TAOK1: variants seen among roughly 807,000 people sequenced by gnomAD.
TAOK1 encodes the protein serine/threonine-protein kinase TAO1.
Under a neutral mutation model 138.3 loss-of-function variants are expected in TAOK1, and 21 were observed. The ratio of observed to expected loss-of-function variants is 0.15; its 90% CI spans 0.11 to 0.22. The LOEUF is 0.22. TAOK1 is among the 10% of genes least tolerant of loss of function. TAOK1 has a pLI of 1.00. For missense variants in TAOK1, 651 were observed against 1,227.7 expected (o/e 0.53, Z 7.02); for synonymous variants, 361 against 398.4 (o/e 0.91, Z 1.12).
chr17:29,500,845 A>T (rs2031510654), intron 12 of TAOK1, among the ~76,000 whole-genome samples: 3 of 152,326 alleles, frequency 2.0e-5, no homozygotes, highest in South Asian at 4.1e-4. Flanking sequence ...TCTTGAAAAC[A>T]TGTTAAGTGA....
Position 29,498,461 on chromosome 17 carries a change from A to G in TAOK1, c.1143A>G (p.Leu381=), listed in dbSNP as rs368442296. ...ATGTCTCAGATGACAAGAGTGAGCT[A>G]GACATGATGGAGGGAGACCACACAG... ...LPDVSDDKSE[L]DMMEGDHTVM... is the part of the protein sequence containing the mutation. The change falls in exon 12 of 20, where the codon CTA becomes CTG. Residue 381 remains leucine, a synonymous_variant. Coordinates refer to ENST00000261716, the MANE Select transcript of TAOK1 (RefSeq NM_020791.4). 29 of 1,614,224 alleles carry G rather than the reference A, an allele frequency of 1.8e-5. No individual in the cohort carries two copies. The highest frequency in any genetic ancestry group is 2.2e-5 in the Non-Finnish European group (26 of 1,180,028).
At chr17:29,525,726 G>A (rs1055993801) in intron 17 of TAOK1, among the ~76,000 whole-genome samples, 5 of 152,202 alleles carry the variant, frequency 3.3e-5, no homozygotes, top group South Asian at 2.1e-4. Flanking sequence ...AAAACTTTTC[G>A]CTGGGGCAGT....
chr17:29,527,444 A>G (rs1161457811), intron 17 of TAOK1, among the ~76,000 whole-genome samples: 5 of 152,156 alleles, frequency 3.3e-5, no homozygotes, highest in Non-Finnish European at 7.3e-5. Flanking sequence ...CAGAGCCTGG[A>G]CAACAGAGTG....
intron 8 of TAOK1, among the ~76,000 whole-genome samples, chr17:29,488,085 A>G (rs563632769): frequency 2.0e-5 from 3 of 152,220 alleles, no homozygotes; most frequent in Non-Finnish European, 4.4e-5. Context: ...AGTCCTGTAT[A>G]TCTCAGAATC....
At chr17:29,420,918 T>C (rs1300794195) in intron 1 of TAOK1, among the ~76,000 whole-genome samples, 4 of 149,536 alleles carry the variant, frequency 2.7e-5, no homozygotes, top group Non-Finnish European at 4.4e-5. Context: ...CATGTGATAT[T>C]AGCTATAGGG....
At chr17:29,442,177 C>CT (rs1172840084) in intron 1 of TAOK1, among the ~76,000 whole-genome samples, 1 of 151,866 alleles carries the variant, frequency 6.6e-6, no homozygotes, top group African/African-American at 2.4e-5. Flanking sequence ...TCCCAAGTAG[C>CT]TGGGACAACA....
At chr17:29,397,934 G>A (rs1474525789) in intron 1 of TAOK1, among the ~76,000 whole-genome samples, 1 of 151,890 alleles carries the variant, frequency 6.6e-6, no homozygotes, top group Non-Finnish European at 1.5e-5. Flanking sequence ...TCACCCAGGT[G>A]GGAGTGCAGT....
At chr17:29,426,257 G>A (rs1031817758) in intron 1 of TAOK1, among the ~76,000 whole-genome samples, 26 of 152,140 alleles carry the variant, frequency 1.7e-4, no homozygotes, top group Admixed American at 9.8e-4. Context: ...AGGTGAAAAC[G>A]TAATGGTGAA....
At chr17:29,476,537 T>C (rs796976641) in intron 4 of TAOK1, among the ~76,000 whole-genome samples, 3 of 152,306 alleles carry the variant, frequency 2.0e-5, no homozygotes, top group African/African-American at 7.2e-5. Flanking sequence ...TTGGTTACTA[T>C]ATAAAAAATA....
At chr17:29,424,614 G>A (rs1171290492) in intron 1 of TAOK1, 1 of 151,984 alleles carries the variant, frequency 6.6e-6, no homozygotes, top group African/African-American at 2.4e-5. Context: ...GAAAAAAGGA[G>A]GTCAATAGTA....
intron 1 of TAOK1, chr17:29,403,947 A>G (rs2153020359): frequency 6.6e-6 from 1 of 152,308 alleles, no homozygotes; most frequent in Non-Finnish European, 1.5e-5. Context: ...TAATTTGAAA[A>G]TGGAGTAATT....
At chr17:29,504,276 C>CA (rs71138826) in intron 13 of TAOK1, among the ~76,000 whole-genome samples, 11,207 of 40,498 alleles carry the variant, frequency 0.28, 1,701 homozygotes, top group African/African-American at 0.3. Context: ...GACCCTGTCT[C>CA]AAAAAAAAAA....
intron 9 of TAOK1, 72 bp from the exon 10 acceptor site, chr17:29,491,712 C>T (rs905461477): frequency 1.5e-5 from 16 of 1,058,126 alleles, no homozygotes; most frequent in African/African-American, 4.7e-5. Flanking sequence ...CCAATAGGCA[C>T]GTGTCTTGAT....
intron 1 of TAOK1, among the ~76,000 whole-genome samples, chr17:29,450,717 T>C (rs2030210044): frequency 6.6e-6 from 1 of 152,130 alleles, no homozygotes; most frequent in South Asian, 2.1e-4. Context: ...GGTCTTACCA[T>C]ATTACCCAGG....
In TAOK1 at chr17:29,542,579, G is replaced by A. The variant is rs34151057; in HGVS notation, c.2563G>A (p.Ala855Thr). 5.3e-4 allele frequency: 848 copies of A among 1,600,830 alleles called. 5 individuals carry two copies. In the East Asian group the frequency reaches 0.017, roughly 33 times the overall value. The change falls in exon 20 of 20, where the codon GCT (alanine) becomes ACT (threonine). Residue 855 changes from alanine (A) to threonine (T), a missense_variant. Around this residue, in one of 8 missense-constraint regions of TAOK1, gnomAD observed 258 missense variants for 548.9 expected, o/e 0.47. Coordinates refer to ENST00000261716, the MANE Select transcript of TAOK1 (RefSeq NM_020791.4). ...LEQKIEEEML[A>T]LQNERTERIR... ...CCAACAGATTGAAGAAGAGATGTTG[G>A]CTTTGCAGAATGAGCGCACAGAACG...
intron 2 of TAOK1, among the ~76,000 whole-genome samples, chr17:29,458,408 C>G (rs1358782883): frequency 6.6e-6 from 1 of 152,208 alleles, no homozygotes; most frequent in Non-Finnish European, 1.5e-5. Flanking sequence ...TTGGTTTGCT[C>G]TTTATCGTCT....
chr17:29,524,708 C>T (rs1233094292), intron 17 of TAOK1, among the ~76,000 whole-genome samples: 1 of 152,178 alleles, frequency 6.6e-6, no homozygotes, highest in African/African-American at 2.4e-5. Context: ...TTTCAATTTT[C>T]TCCTTTAGTA....
rs145118325 is a variant in TAOK1 at position 29,405,234 on chromosome 17, C to T, written c.-95+14210C>T. Among the ~76,000 whole-genome samples the T allele has an allele frequency of 7.7e-3, 1,175 of 152,182 alleles. 17 individuals carry two copies. The highest frequency in any genetic ancestry group is 0.025 in the African/African-American group (1,045 of 41,532). On this transcript the variant is annotated intron_variant, in intron 1 of 19. Transcript: ENST00000261716. ...AACTCGTGACCTCAGGTGATACACC[C>T]GCCTTGGCCTCCCAGAGTGCTGGGA...
chr17:29,513,983 C>G (rs1447661144), intron 15 of TAOK1: 1 of 151,936 alleles, frequency 6.6e-6, no homozygotes, highest in Non-Finnish European at 1.5e-5. Context: ...AAAAAATTAG[C>G]CAAGCATGGT....
Sources: allele counts gnomAD v4.1 joint callset (sites outside exome capture counted in the v4.1 genomes callset), GRCh38; gene constraint gnomAD v4.1.1; regional missense constraint gnomAD v4.1.1; transcripts MANE v1.5; gene names NCBI Gene and HGNC (gene_info 2026-07-23, HGNC 2026-07-21).